SASH1: variants seen among roughly 807,000 people sequenced by gnomAD.
SASH1 encodes the protein SAM and SH3 domain-containing protein 1.
A neutral mutation model predicts 125.2 loss-of-function variants in SASH1; 44 were observed. That is an observed-to-expected ratio of 0.35 (90% confidence interval 0.28 to 0.45). The LOEUF is 0.45. SASH1 is among the 20% of genes least tolerant of loss of function. The pLI, the probability that SASH1 is intolerant of heterozygous loss-of-function variation, is 1.00. For synonymous variants in SASH1, 639 were observed against 649.1 expected (o/e 0.98, Z 0.24); for missense variants, 1,426 against 1,614.5 (o/e 0.88, Z 2.00).
At chr6:148,229,667 C>G in the SASH1 span, among the ~76,000 whole-genome samples, 10 of 150,860 alleles carry the variant, frequency 6.6e-5, 1 homozygote, top group Middle Eastern at 3.6e-3. Context: ...TCCATGACTT[C>G]TCATATATTC....
intron 11 of SASH1, 42 bp downstream of exon 11, chr6:148,525,407 G>A (rs770323466): frequency 3.5e-6 from 5 of 1,426,544 alleles, no homozygotes; most frequent in Middle Eastern, 1.7e-4. Flanking sequence ...GGATTCAGGC[G>A]ATGAGGTTGA....
At chr6:148,433,406 C>CTTTTTTTTT (rs5880780) in intron 2 of SASH1, among the ~76,000 whole-genome samples, 4 of 128,000 alleles carry the variant, frequency 3.1e-5, no homozygotes, top group African/African-American at 1.2e-4. Context: ...TTTCTTTTTT[C>CTTTTTTTTT]TTTTTTTTTT....
intron 7 of SASH1, among the ~76,000 whole-genome samples, chr6:148,484,891 C>T (rs1010885894): frequency 6.6e-6 from 1 of 152,042 alleles, no homozygotes; most frequent in Admixed American, 6.6e-5. Flanking sequence ...TGCAATGAGC[C>T]GTGATTGCAC....
intron 11 of SASH1, 36 bp from the exon 12 acceptor site, chr6:148,527,417 T>G: frequency 6.5e-7 from 1 of 1,536,094 alleles, no homozygotes; most frequent in Non-Finnish European, 8.7e-7. Context: ...CTTCATTTTC[T>G]GCGACCAACA....
intron 2 of SASH1, among the ~76,000 whole-genome samples, chr6:148,421,181 G>GAAAGAAAGAAAGAAAA (rs1785074028): frequency 7.0e-6 from 1 of 143,186 alleles, no homozygotes; most frequent in African/African-American, 2.5e-5. Context: ...AAGAAAGAAA[G>GAAAGAAAGAAAGAAAA]AAAGAAAGAA....
rs1783832094 is a variant in SASH1 at position 148,393,821 on chromosome 6, T to G, written c.285+3559T>G. The G allele has an allele frequency of 1.5e-5, 9 of 613,592 alleles. No homozygotes were observed. In the South Asian group the frequency reaches 6.5e-4, roughly 44 times the overall value. 38.0% of individuals were successfully genotyped at this position (613,592 alleles called of 1,614,324 possible). ...ATTCAAGCCAGGCTGGAAGCATGAC[T>G]GTTCATTCTTTAAATTGTAGTTAGC... is the stretch of plus-strand genomic sequence containing the variant. On this transcript the variant is annotated intron_variant, in intron 2 of 19. Transcript: ENST00000367467.
upstream of SASH1, among the ~76,000 whole-genome samples, chr6:148,268,232 T>C (rs1300261634): frequency 6.6e-6 from 1 of 152,188 alleles, no homozygotes; most frequent in East Asian, 1.9e-4. Flanking sequence ...TATTCAAATA[T>C]TGTGAAATAA....
At chr6:148,522,054 T>C (rs1053207864) in intron 10 of SASH1, among the ~76,000 whole-genome samples, 2 of 152,226 alleles carry the variant, frequency 1.3e-5, no homozygotes, top group African/African-American at 4.8e-5. Flanking sequence ...AATTCTTCAT[T>C]GACATTGAGT....
chr6:148,543,967 A>G lies in SASH1; in HGVS notation c.2497A>G (p.Thr833Ala). Residue 833 changes from threonine (T) to alanine (A), a missense_variant, in exon 18 of 20, where the codon ACT becomes GCT. Around this residue, in one of 3 missense-constraint regions of SASH1, gnomAD observed 634 missense variants for 694.4 expected, o/e 0.91. Transcript: ENST00000367467. ...CCTGGAGGGCCCCCAGACTGTGGACACTTGGCCCCGATCCCATTCCCTGGA... is the reference window on the plus strand; with the variant it reads ...CCTGGAGGGCCCCCAGACTGTGGACGCTTGGCCCCGATCCCATTCCCTGGA... ...ETLEGPQTVD[T>A]WPRSHSLDDL... The G allele has an allele frequency of 1.9e-6, 3 of 1,614,028 alleles. No individual in the cohort carries two copies. Among genetic ancestry groups the G allele is most frequent in the Non-Finnish European group, 2.5e-6 (3 of 1,180,000 alleles).
chr6:148,393,676 T>G, intron 2 of SASH1: 2 of 984,520 alleles, frequency 2.0e-6, no homozygotes, highest in Non-Finnish European at 1.2e-6. Context: ...TGGGGCTAAT[T>G]TGGCGTGCTC....
At chr6:148,379,950 G>A (rs568833493) in intron 1 of SASH1, 22 of 456,474 alleles carry the variant, frequency 4.8e-5, no homozygotes, top group East Asian at 1.4e-4. Context: ...CCTGGATATC[G>A]TGTGCAGCCA....
chr6:148,531,292 A>ATATC (rs995553511), intron 12 of SASH1, among the ~76,000 whole-genome samples: 1 of 152,218 alleles, frequency 6.6e-6, no homozygotes, highest in African/African-American at 2.4e-5. Flanking sequence ...GATTCCAAGA[A>ATATC]TATCTATTCG....
intron 1 of SASH1, among the ~76,000 whole-genome samples, chr6:148,322,555 C>T (rs890026932): frequency 6.6e-6 from 1 of 152,116 alleles, no homozygotes; most frequent in Non-Finnish European, 1.5e-5. Context: ...CTTCCCCTGA[C>T]CCTGAAATTG....
intron 7 of SASH1, among the ~76,000 whole-genome samples, chr6:148,486,384 G>A (rs1391681278): frequency 1.3e-5 from 2 of 152,192 alleles, no homozygotes; most frequent in Non-Finnish European, 2.9e-5. Flanking sequence ...GCCTCCCAAG[G>A]TTCTGGGATT....
the SASH1 span, among the ~76,000 whole-genome samples, chr6:148,208,087 A>G: frequency 6.6e-6 from 1 of 152,102 alleles, no homozygotes; most frequent in African/African-American, 2.4e-5. Context: ...CTTCCTCATC[A>G]GCTGAGCCCC....
At chr6:148,404,194 T>G (rs1052881833) in intron 2 of SASH1, among the ~76,000 whole-genome samples, 1 of 152,208 alleles carries the variant, frequency 6.6e-6, no homozygotes, top group African/African-American at 2.4e-5. Context: ...AAAAATCTTT[T>G]AAGCAAGAAA....
intron 2 of SASH1, among the ~76,000 whole-genome samples, chr6:148,432,483 T>C (rs1776105128): frequency 6.6e-6 from 1 of 152,156 alleles, no homozygotes; most frequent in Non-Finnish European, 1.5e-5. Context: ...AGAGCTTGGG[T>C]CCTTCCATTA....
intron 8 of SASH1, among the ~76,000 whole-genome samples, chr6:148,506,336 A>G (rs1268875597): frequency 6.6e-6 from 1 of 151,988 alleles, no homozygotes; most frequent in East Asian, 2.0e-4. Context: ...TTAGCTGGGC[A>G]TACTGGCGGG....
intron 16 of SASH1, among the ~76,000 whole-genome samples, chr6:148,537,831 T>TGTGTGTGTGTGTGG (rs1491316465): frequency 2.3e-5 from 3 of 132,600 alleles, no homozygotes; most frequent in Non-Finnish European, 4.9e-5. Flanking sequence ...TGTGTGTGTG[T>TGTGTGTGTGTGTGG]GGTTGGTGAG....
Sources: gnomAD v4.1 joint callset for allele counts (sites outside exome capture counted in the v4.1 genomes callset) on GRCh38, gnomAD v4.1.1 for gene constraint, gnomAD v4.1.1 regional missense constraint, MANE v1.5 for transcripts, NCBI Gene and HGNC (gene_info 2026-07-23, HGNC 2026-07-21) for gene names.